The following EXT1 variants were observed in gnomAD, a reference collection of about 807,000 sequenced individuals.
The protein encoded by EXT1 is exostosin glycosyltransferase 1.
Under a neutral mutation model 82.5 loss-of-function variants are expected in EXT1, and 20 were observed. The ratio of observed to expected loss-of-function variants is 0.24; its 90% CI spans 0.17 to 0.35. EXT1 has a LOEUF of 0.35. Ranked by LOEUF, EXT1 falls within the 10% of genes least tolerant of loss-of-function variation. EXT1 has a pLI of 1.00. For synonymous variants in EXT1, 348 were observed against 350.8 expected (o/e 0.99, Z 0.09); for missense variants, 757 against 936.5 (o/e 0.81, Z 2.50).
At chr8:117,868,161 C>A (rs1201887057) in intron 1 of EXT1, among the ~76,000 whole-genome samples, 1 of 152,202 alleles carries the variant, frequency 6.6e-6, no homozygotes, top group African/African-American at 2.4e-5. Flanking sequence ...ACAACCTCAT[C>A]AAGAGAGGCT....
intron 1 of EXT1, among the ~76,000 whole-genome samples, chr8:117,884,011 G>C (rs1813106420): frequency 6.6e-6 from 1 of 152,184 alleles, no homozygotes; most frequent in Non-Finnish European, 1.5e-5. Context: ...GAGAGAGTCG[G>C]AGGGAGGAAG....
intron 1 of EXT1, among the ~76,000 whole-genome samples, chr8:118,060,102 G>GT (rs1430975669): frequency 2.6e-5 from 4 of 152,110 alleles, no homozygotes; most frequent in African/African-American, 9.7e-5. Context: ...TAAGGTTTCA[G>GT]TATTTCACAA....
intron 1 of EXT1, among the ~76,000 whole-genome samples, chr8:117,858,996 T>C (rs1812635559): frequency 6.6e-6 from 1 of 152,198 alleles, no homozygotes; most frequent in Admixed American, 6.5e-5. Flanking sequence ...ACCAGCAAAA[T>C]GATTATGGCT....
chr8:118,035,964 A>T (rs1196357102), intron 1 of EXT1, among the ~76,000 whole-genome samples: 1 of 152,186 alleles, frequency 6.6e-6, no homozygotes, highest in African/African-American at 2.4e-5. Flanking sequence ...CACTACTGTA[A>T]CCTAAGAATG....
Position 118,111,492 on chromosome 8 carries a change from AC to A in EXT1, c.-447del. ...CCGGGAAGGCAACTTCAACTCATCC[AC>A]CACTCTCCGTGCAGAGCACTCCGGT... On this transcript the variant is annotated 5_prime_UTR_variant, in exon 1 of 11. Coordinates refer to ENST00000378204, the MANE Select transcript of EXT1 (RefSeq NM_000127.3). 1 of 537,450 alleles carries A rather than the reference AC, an allele frequency of 1.9e-6. No individual in the cohort carries two copies. Among genetic ancestry groups the A allele is most frequent in the Non-Finnish European group, 3.3e-6 (1 of 307,472 alleles). 33.3% of individuals were successfully genotyped at this position (537,450 alleles called of 1,614,324 possible).
At chr8:117,811,686 C>A (rs543648282) in intron 8 of EXT1, among the ~76,000 whole-genome samples, 8 of 151,572 alleles carry the variant, frequency 5.3e-5, no homozygotes, top group African/African-American at 1.9e-4. Flanking sequence ...GTACGATGTC[C>A]GCTCACTGTA....
chr8:117,876,458 A>G (rs1275014513), intron 1 of EXT1, among the ~76,000 whole-genome samples: 2 of 152,272 alleles, frequency 1.3e-5, no homozygotes, highest in African/African-American at 4.8e-5. Context: ...GGATGCTTAT[A>G]AAACTGCTTT....
At chr8:118,003,079 G>T (rs1411777553) in intron 1 of EXT1, among the ~76,000 whole-genome samples, 1 of 151,950 alleles carries the variant, frequency 6.6e-6, no homozygotes. Flanking sequence ...GCCATAACAA[G>T]AAATGAAATA....
At chr8:118,084,299 C>T (rs147556211) in intron 1 of EXT1, among the ~76,000 whole-genome samples, 25 of 152,268 alleles carry the variant, frequency 1.6e-4, no homozygotes, top group African/African-American at 5.8e-4. Context: ...TGACTATGTC[C>T]CAGATGCTAC....
At chr8:117,837,070 C>T in intron 2 of EXT1, 38 bp downstream of exon 2, 1 of 1,489,902 alleles carries the variant, frequency 6.7e-7, no homozygotes, top group East Asian at 2.3e-5. Flanking sequence ...TGGCTTCGGT[C>T]CTCAGCCCTA....
Position 118,110,817 on chromosome 8 carries a change from C to G in EXT1, c.230G>C (p.Ser77Thr). ...CTTCTGCCGGGGGGAAATGTGCACG[C>G]TGGAATCCTCGTTTTCCAATTGATC... is the stretch of plus-strand genomic sequence containing the variant. The part of the protein sequence containing the change: ...PWDQLENEDS[S>T]VHISPRQKRD... Residue 77 changes from serine to threonine, a missense_variant, in exon 1 of 11, where the codon AGC becomes ACC. Around this residue, in one of 4 missense-constraint regions of EXT1, gnomAD observed 175 missense variants for 159.0 expected, o/e 1.10. Coordinates refer to ENST00000378204, the MANE Select transcript of EXT1 (RefSeq NM_000127.3). 2 of 1,612,908 alleles carry G rather than the reference C, an allele frequency of 1.2e-6. No individual in the cohort carries two copies. The highest frequency in any genetic ancestry group is 2.2e-5 in the South Asian group (2 of 91,058).
At chr8:117,919,671 A>T (rs1291260192) in intron 1 of EXT1, among the ~76,000 whole-genome samples, 1 of 151,904 alleles carries the variant, frequency 6.6e-6, no homozygotes. Context: ...TATTTGGCTA[A>T]TTTTTAAAAT....
chr8:118,029,293 G>T (rs958291466), intron 1 of EXT1, among the ~76,000 whole-genome samples: 1 of 152,148 alleles, frequency 6.6e-6, no homozygotes, highest in Non-Finnish European at 1.5e-5. Flanking sequence ...AGACATAGCG[G>T]TGTGCACCTG....
intron 7 of EXT1, among the ~76,000 whole-genome samples, chr8:117,813,599 T>C (rs1032665591): frequency 6.6e-6 from 1 of 152,232 alleles, no homozygotes; most frequent in African/African-American, 2.4e-5. Context: ...AATTAAAATA[T>C]GTATTAGCAC....
In EXT1 at chr8:118,111,388, C is replaced by T; in HGVS notation, c.-342G>A. ...AAAGAGAGAGGGGAGAAAAAAAAAG[C>T]TCCCGATACCCAATCAATGGCAAGA... is the stretch of plus-strand genomic sequence containing the variant. On this transcript the variant is annotated 5_prime_UTR_variant, in exon 1 of 11. Transcript: ENST00000378204. 2 of 564,588 alleles carry T rather than the reference C, an allele frequency of 3.5e-6. No homozygotes were observed. The highest frequency in any genetic ancestry group is 3.1e-6 in the Non-Finnish European group (1 of 319,858). 35.0% of individuals were successfully genotyped at this position (564,588 alleles called of 1,614,324 possible).
intron 1 of EXT1, among the ~76,000 whole-genome samples, chr8:118,084,598 C>G (rs1292229101): frequency 2.6e-5 from 4 of 152,194 alleles, no homozygotes; most frequent in Admixed American, 6.5e-5. Context: ...TGCCCAGAGC[C>G]CAGCTCCTCG....
In EXT1 at chr8:117,944,782, T is replaced by C. The variant is rs945114512; in HGVS notation, c.963-107581A>G. ...CCCCAAATTCAAAGTACAGCAATTA[T>C]TATTGACATTGTTATACCAACAATG... On this transcript the variant is annotated intron_variant, in intron 1 of 10. Transcript: ENST00000378204. Among the ~76,000 whole-genome samples the C allele has an allele frequency of 2.0e-5, 3 of 152,188 alleles. No homozygotes were observed. In the South Asian group the frequency reaches 6.2e-4, roughly 31 times the overall value.
intron 1 of EXT1, among the ~76,000 whole-genome samples, chr8:117,860,146 C>CAAAAAAAAAAAAAAA (rs34399339): frequency 1.3e-5 from 1 of 76,894 alleles, no homozygotes; most frequent in Non-Finnish European, 2.3e-5. Context: ...GATTCTATCT[C>CAAAAAAAAAAAAAAA]AAAAAAAAAA....
rs999835487 is a variant in EXT1 at position 117,926,605 on chromosome 8, C to T, written c.963-89404G>A. 3.3e-5 allele frequency among the ~76,000 whole-genome samples: 5 copies of T among 152,090 alleles called. No individual in the cohort carries two copies. The South Asian group carries it at 8.3e-4, about 25-fold the overall frequency. On this transcript the variant is annotated intron_variant, in intron 1 of 10. Coordinates refer to ENST00000378204, the MANE Select transcript of EXT1 (RefSeq NM_000127.3). ...CAAATTCAAATGACCCAAATGCATT[C>T]GCTCGTAAGGGCAATTTGCTTCTAG... is the stretch of plus-strand genomic sequence containing the variant.
Sources: allele counts gnomAD v4.1 joint callset (sites outside exome capture counted in the v4.1 genomes callset), GRCh38; gene constraint gnomAD v4.1.1; regional missense constraint gnomAD v4.1.1; transcripts MANE v1.5; gene names NCBI Gene and HGNC (gene_info 2026-07-23, HGNC 2026-07-21).